TAMM41: variants seen among roughly 807,000 people sequenced by gnomAD.
The protein encoded by TAMM41 is phosphatidate cytidylyltransferase, mitochondrial.
In TAMM41, 36 loss-of-function variants were observed where a neutral mutation model predicts 44.1. The ratio of observed to expected loss-of-function variants is 0.82; its 90% CI spans 0.63 to 1.08. The LOEUF (loss-of-function observed/expected upper bound fraction) is 1.08. Among genes scored for constraint, TAMM41 ranks in the 50% least tolerant of loss-of-function variants. The pLI is 0.00. For missense variants in TAMM41, 417 were observed against 404.3 expected, an observed-to-expected ratio of 1.03 and a Z score of -0.27; for synonymous variants, 164 against 153.1, an observed-to-expected ratio of 1.07 and a Z score of -0.53.
chr3:11,844,839 T>C, intron 1 of TAMM41: 1 of 447,942 alleles, frequency 2.2e-6, no homozygotes, highest in Non-Finnish European at 4.5e-6. Flanking sequence ...CTGGAGAGAA[T>C]AAACAAATTA....
chr3:11,771,684 G>A, the TAMM41 span, among the ~76,000 whole-genome samples: 1 of 152,102 alleles, frequency 6.6e-6, no homozygotes, highest in East Asian at 1.9e-4. Flanking sequence ...CCAGGTTCAA[G>A]CGATTCTCCT....
chr3:11,745,246 A>C, the TAMM41 span, among the ~76,000 whole-genome samples: 1 of 152,170 alleles, frequency 6.6e-6, no homozygotes, highest in Non-Finnish European at 1.5e-5. Flanking sequence ...CTAGAGGATC[A>C]CTTGAGCACA....
the TAMM41 span, among the ~76,000 whole-genome samples, chr3:11,745,167 A>G: frequency 1.3e-5 from 2 of 152,064 alleles, no homozygotes; most frequent in African/African-American, 4.8e-5. Flanking sequence ...CCGGCCTACA[A>G]ATAATTTTTT....
chr3:11,776,092 C>T, the TAMM41 span, among the ~76,000 whole-genome samples: 2 of 150,522 alleles, frequency 1.3e-5, no homozygotes, highest in African/African-American at 4.9e-5. Context: ...TGGCTCACTG[C>T]AAGCTCCGCC....
chr3:11,735,972 A>C, the TAMM41 span, among the ~76,000 whole-genome samples: 4 of 152,214 alleles, frequency 2.6e-5, no homozygotes, highest in African/African-American at 4.8e-5. Context: ...TCAGAGAGGC[A>C]GGGGGTGAAT....
the TAMM41 span, among the ~76,000 whole-genome samples, chr3:11,730,691 G>A: frequency 4.1e-5 from 6 of 145,636 alleles, no homozygotes; most frequent in Non-Finnish European, 6.0e-5. Flanking sequence ...CTGAGATCAC[G>A]CCATTGCACT....
At chr3:11,813,381 T>C (rs886163576) in intron 5 of TAMM41, among the ~76,000 whole-genome samples, 13 of 151,928 alleles carry the variant, frequency 8.6e-5, no homozygotes, top group Non-Finnish European at 7.4e-5. Context: ...AATACAAAAA[T>C]TAGCTGGGTG....
chr3:11,736,381 T>C, the TAMM41 span, among the ~76,000 whole-genome samples: 1 of 152,220 alleles, frequency 6.6e-6, no homozygotes, highest in African/African-American at 2.4e-5. Context: ...AATGTAACAG[T>C]GCTATAATGA....
At chr3:11,841,423 G>T (rs143069599) in intron 2 of TAMM41, among the ~76,000 whole-genome samples, 127 of 152,176 alleles carry the variant, frequency 8.3e-4, no homozygotes, top group African/African-American at 2.6e-3. Context: ...AAATCCTGTA[G>T]ATTTCCCAGG....
the TAMM41 span, among the ~76,000 whole-genome samples, chr3:11,729,533 TCTTTCA>T: frequency 0.01 from 1,090 of 108,746 alleles, 88 homozygotes; most frequent in East Asian, 0.043. Context: ...TTCTTTTCTT[TCTTTCA>T]TTTTTTTTTT....
intron 3 of TAMM41, chr3:11,833,243 C>T (rs1397935095): frequency 1.9e-5 from 19 of 1,020,492 alleles, no homozygotes; most frequent in South Asian, 8.7e-5. Flanking sequence ...AACATTAGCA[C>T]GACTGCCAGG....
At chr3:11,755,079 C>T in the TAMM41 span, among the ~76,000 whole-genome samples, 1 of 152,132 alleles carries the variant, frequency 6.6e-6, no homozygotes, top group Non-Finnish European at 1.5e-5. Context: ...GGAGCTGCAG[C>T]AACCCCTAAT....
chr3:11,737,291 A>G, the TAMM41 span, among the ~76,000 whole-genome samples: 2 of 30,414 alleles, frequency 6.6e-5, no homozygotes, highest in Non-Finnish European at 1.1e-4. Flanking sequence ...TTACATTATT[A>G]TTATTATTAT....
At chr3:11,775,118 A>G in the TAMM41 span, among the ~76,000 whole-genome samples, 16 of 152,130 alleles carry the variant, frequency 1.1e-4, no homozygotes, top group African/African-American at 3.4e-4. Context: ...CCACCCCCTC[A>G]GCCTCCCAAA....
intron 4 of TAMM41, among the ~76,000 whole-genome samples, chr3:11,817,978 G>A (rs746582743): frequency 1.3e-5 from 2 of 152,176 alleles, no homozygotes; most frequent in Non-Finnish European, 2.9e-5. Context: ...AAAGACAAAA[G>A]CATTTCTGAA....
At chr3:11,767,643 T>TTTTTTTTTTTTTTTTTTA in the TAMM41 span, among the ~76,000 whole-genome samples, 1 of 139,034 alleles carries the variant, frequency 7.2e-6, no homozygotes, top group Non-Finnish European at 1.6e-5. Flanking sequence ...TTTTTTTTTT[T>TTTTTTTTTTTTTTTTTTA]GAGACAGAGT....
At chr3:11,834,368 A>C (rs1303620647) in intron 3 of TAMM41, among the ~76,000 whole-genome samples, 1 of 152,228 alleles carries the variant, frequency 6.6e-6, no homozygotes, top group Non-Finnish European at 1.5e-5. Flanking sequence ...TGTCTTAAAA[A>C]CTCAAGCACA....
chr3:11,769,436 T>A, the TAMM41 span, among the ~76,000 whole-genome samples: 2 of 149,436 alleles, frequency 1.3e-5, no homozygotes, highest in Admixed American at 6.8e-5. Context: ...AGGCAGCCAG[T>A]TGGATGGATT....
the TAMM41 span, among the ~76,000 whole-genome samples, chr3:11,726,784 C>G: frequency 1.4e-5 from 2 of 142,542 alleles, no homozygotes. Context: ...GCCTGGCAGC[C>G]TGGGCGACTC....
Sources: gnomAD v4.1 joint callset for allele counts (sites outside exome capture counted in the v4.1 genomes callset) on GRCh38, gnomAD v4.1.1 for gene constraint, MANE v1.5 for transcripts, NCBI Gene and HGNC (gene_info 2026-07-23, HGNC 2026-07-21) for gene names.